The following ADGRF1 variants were observed in gnomAD, a reference collection of about 807,000 sequenced individuals.
ADGRF1 encodes the protein adhesion G protein-coupled receptor F1, also known as G protein-coupled receptor 110.
A neutral mutation model predicts 87.2 loss-of-function variants in ADGRF1; 85 were observed. The ratio of observed to expected loss-of-function variants is 0.97; its 90% CI spans 0.82 to 1.17. The LOEUF (loss-of-function observed/expected upper bound fraction) is 1.17. ADGRF1 is among the 50% of genes most tolerant of loss of function. The pLI is 0.00. For synonymous variants in ADGRF1, 430 were observed against 408.8 expected (o/e 1.05, Z -0.63); for missense variants, 1,169 against 1,077.2 (o/e 1.09, Z -1.19).
intron 12 of ADGRF1, 49 bp from the exon 13 acceptor site, chr6:47,005,925 AC>A: frequency 7.9e-7 from 1 of 1,268,376 alleles, no homozygotes; most frequent in Non-Finnish European, 1.1e-6. Context: ...ACAATCATAC[AC>A]AGACAAATCA....
At chr6:47,001,408 G>A (rs1460163803) in intron 14 of ADGRF1, 93 bp downstream of exon 14, 4 of 1,020,578 alleles carry the variant, frequency 3.9e-6, no homozygotes, top group Non-Finnish European at 5.9e-6. Context: ...TCTCACATGA[G>A]TTTCTTACAT....
rs184466568 is a variant in ADGRF1 at position 47,009,884 on chromosome 6, T to C, written c.1551A>G (p.Glu517=). ...STVIQNYSIN[E]VFLFFSKIES... is the part of the protein sequence containing the mutation. ...CTATCTTGGAAAAAAATAGGAAAAC[T>C]TCATTTATGGAATAGTTTTGAATAA... Residue 517 remains glutamate (E), a synonymous_variant, in exon 11 of 15, where the codon GAA becomes GAG. Transcript: ENST00000371253. 1 of 1,614,006 alleles carries C rather than the reference T, an allele frequency of 6.2e-7. No individual in the cohort carries two copies. The highest frequency in any genetic ancestry group is 2.2e-5 in the East Asian group (1 of 44,874).
At chr6:47,040,978 C>A (rs1200569489) in intron 1 of ADGRF1, among the ~76,000 whole-genome samples, 1 of 152,154 alleles carries the variant, frequency 6.6e-6, no homozygotes, top group African/African-American at 2.4e-5. Context: ...TACAAGGCAT[C>A]CAACAATAAT....
At chr6:47,038,710 A>G (rs767006126) in intron 1 of ADGRF1, among the ~76,000 whole-genome samples, 26 of 152,210 alleles carry the variant, frequency 1.7e-4, no homozygotes, top group Non-Finnish European at 3.2e-4. Context: ...AAGCTTGTTT[A>G]ATGAGGCCCT....
intron 7 of ADGRF1, chr6:47,020,062 C>T (rs1016901423): frequency 3.0e-6 from 3 of 1,000,602 alleles, no homozygotes; most frequent in East Asian, 2.1e-4. Context: ...TTCGACAACC[C>T]GCAACCCTTA....
rs200437878 is a variant in ADGRF1, at chr6:47,025,899, A to G, written c.232T>C (p.Trp78Arg). 9.0e-5 allele frequency: 145 copies of G among 1,611,656 alleles called. No individual in the cohort carries two copies. The highest frequency in any genetic ancestry group is 5.0e-5 in the Admixed American group (3 of 59,958). Residue 78 changes from tryptophan to arginine, a missense_variant, in exon 4 of 15, where the codon TGG becomes CGG. Transcript: ENST00000371253. ...FLKLLKPPLL[W>R]SHGLIRIIRA... ...ATAATTCTAATTAGCCCATGTGACC[A>G]TAATAATGGAGGCTTCAAGAGCTTC...
chr6:47,024,504 G>A, intron 4 of ADGRF1, among the ~76,000 whole-genome samples: 1 of 152,152 alleles, frequency 6.6e-6, no homozygotes, highest in East Asian at 1.9e-4. Context: ...AGTAGAGACA[G>A]TATTTTGCCA....
intron 2 of ADGRF1, 148 bp downstream of exon 2, chr6:47,028,845 T>A (rs1021786794): frequency 3.0e-6 from 2 of 674,702 alleles, no homozygotes; most frequent in East Asian, 5.2e-5. Context: ...TGAATGTTGG[T>A]AATGTTGAAA....
chr6:47,023,290 A>T (rs539593888), intron 5 of ADGRF1, among the ~76,000 whole-genome samples: 1 of 152,182 alleles, frequency 6.6e-6, no homozygotes, highest in Non-Finnish European at 1.5e-5. Flanking sequence ...CTTAATAAGT[A>T]ATGTGTTGCC....
Position 47,028,997 on chromosome 6 carries a change from A to AG in ADGRF1, c.64dup (p.Leu22ProfsTer5). Reference sequence around the variant, plus strand: ...TGAGACATAGCACCAACTCACCCCCAGGAAGCCACCGTGGCCGTCAGTGAA... The same window carrying AG: ...TGAGACATAGCACCAACTCACCCCCAGGGAAGCCACCGTGGCCGTCAGTGAA... On this transcript the variant is annotated frameshift_variant, in exon 2 of 15. Coordinates refer to ENST00000371253, the MANE Select transcript of ADGRF1 (RefSeq NM_153840.4). LOFTEE classifies it high-confidence loss of function. 6.2e-7 allele frequency: 1 copy of AG among 1,613,886 alleles called. No homozygotes were observed. The highest frequency in any genetic ancestry group is 8.5e-7 in the Non-Finnish European group (1 of 1,179,742).
rs1345303716 is a variant in ADGRF1 at position 47,009,402 on chromosome 6, A to G, written c.2033T>C (p.Leu678Pro). The change falls in exon 11 of 15, where the codon CTT becomes CCT. Residue 678 changes from leucine (L) to proline (P), a missense_variant. Leu to Pro is a moderately conservative substitution (Grantham distance 98). Transcript: ENST00000371253. ...GATCCGGTAAGCCAGCAGGATGCCA[A>G]GCATGAGCATCCAGAAGAACAAAGA... ...YLSLFFWMLM[L>P]GILLAYRIIL... 3 of 1,614,078 alleles carry G rather than the reference A, an allele frequency of 1.9e-6. No individual in the cohort carries two copies. Among genetic ancestry groups the G allele is most frequent in the Non-Finnish European group, 2.5e-6 (3 of 1,179,974 alleles).
intron 8 of ADGRF1, 69 bp downstream of exon 8, chr6:47,016,548 G>A (rs1779883909): frequency 7.3e-7 from 1 of 1,378,460 alleles, no homozygotes. Flanking sequence ...TCTACTTCCT[G>A]AGGACACAAA....
chr6:47,008,878 A>G, intron 11 of ADGRF1, 67 bp downstream of exon 11: 1 of 1,435,668 alleles, frequency 7.0e-7, no homozygotes. Context: ...GAGTGGTTTT[A>G]CCTGCCTGAG....
chr6:47,032,387 A>G (rs1780454871), intron 1 of ADGRF1, among the ~76,000 whole-genome samples: 1 of 152,000 alleles, frequency 6.6e-6, no homozygotes, highest in African/African-American at 2.4e-5. Context: ...CAAATAAACA[A>G]TATTTTTTTA....
chr6:47,029,183 G>C (rs1780338073), intron 1 of ADGRF1, 79 bp from the exon 2 acceptor site: 1 of 772,868 alleles, frequency 1.3e-6, no homozygotes, highest in African/African-American at 1.7e-5. Flanking sequence ...GCACAAAGTG[G>C]TAAGGCCTCA....
chr6:47,040,336 G>C (rs139443414), intron 1 of ADGRF1, among the ~76,000 whole-genome samples: 1 of 152,144 alleles, frequency 6.6e-6, no homozygotes, highest in Non-Finnish European at 1.5e-5. Flanking sequence ...GCCAGGCATG[G>C]TGGTGGATGC....
chr6:47,005,904 G>A (rs1324065256), intron 12 of ADGRF1, 28 bp from the exon 13 acceptor site: 1 of 1,508,700 alleles, frequency 6.6e-7, no homozygotes, highest in Non-Finnish European at 9.2e-7. Context: ...AAATATTGAG[G>A]AGATACACAT....
chr6:47,028,922 G>C (rs1455667661), intron 2 of ADGRF1, 71 bp downstream of exon 2: 5 of 1,155,624 alleles, frequency 4.3e-6, no homozygotes, highest in Non-Finnish European at 6.6e-6. Flanking sequence ...AGAGAGTGAG[G>C]GGTTCTAAAA....
At position 46,997,824 on chromosome 6, in the gene ADGRF1, T is replaced by C. The variant is rs1041360406; in HGVS notation, c.*2398A>G. The C allele has an allele frequency of 7.9e-5, 12 of 152,200 alleles. No homozygotes were observed. The highest frequency in any genetic ancestry group is 1.8e-4 in the Non-Finnish European group (12 of 68,038). The allele number at this position is 152,200 out of a possible 1,614,324, so 9.4% of individuals were successfully genotyped here. Reference sequence around the variant, plus strand: ...ATATCTGATCAAACATTTTTTTGTCTCTCATCATCCTCATAAAATTTATTC... The same window carrying C: ...ATATCTGATCAAACATTTTTTTGTCCCTCATCATCCTCATAAAATTTATTC... On this transcript the variant is annotated 3_prime_UTR_variant, in exon 15 of 15. Transcript: ENST00000371253.
Sources: allele counts gnomAD v4.1 joint callset (sites outside exome capture counted in the v4.1 genomes callset), GRCh38; gene constraint gnomAD v4.1.1; transcripts MANE v1.5; gene names NCBI Gene and HGNC (gene_info 2026-07-23, HGNC 2026-07-21).